The following ANO6 variants were observed in gnomAD, a reference collection of about 807,000 sequenced individuals.
ANO6 encodes the protein anoctamin 6.
A neutral mutation model predicts 117.5 loss-of-function variants in ANO6; 106 were observed. The observed-to-expected ratio is 0.90, with a 90% CI of 0.77 to 1.06. The LOEUF (loss-of-function observed/expected upper bound fraction) is 1.06, where lower values mean the gene tolerates loss of function less well. ANO6 is among the 50% of genes least tolerant of loss of function. ANO6 has a pLI of 0.00. For missense variants in ANO6, 955 were observed against 1,121.1 expected (o/e 0.85, Z 2.12); for synonymous variants, 367 against 385.1 (o/e 0.95, Z 0.55).
At chr12:45,397,058 A>G (rs1225541502) in intron 12 of ANO6, among the ~76,000 whole-genome samples, 1 of 152,226 alleles carries the variant, frequency 6.6e-6, no homozygotes, top group Non-Finnish European at 1.5e-5. Flanking sequence ...TGAATAGGCA[A>G]CCTACAGAAT....
intron 10 of ANO6, among the ~76,000 whole-genome samples, chr12:45,378,464 G>T (rs1455734146): frequency 6.6e-6 from 1 of 152,078 alleles, no homozygotes; most frequent in African/African-American, 2.4e-5. Context: ...TTTGGTCTGT[G>T]GGGCTCGGCT....
intron 1 of ANO6, among the ~76,000 whole-genome samples, chr12:45,233,488 A>G (rs1305767447): frequency 6.6e-6 from 1 of 152,118 alleles, no homozygotes; most frequent in Non-Finnish European, 1.5e-5. Flanking sequence ...TTATTGTTAT[A>G]TCTAATACCT....
intron 17 of ANO6, among the ~76,000 whole-genome samples, chr12:45,420,541 G>T (rs1170614386): frequency 6.6e-6 from 1 of 152,060 alleles, no homozygotes. Flanking sequence ...GGAGTTCGAG[G>T]TTACAGTGAG....
At chr12:45,222,138 C>T (rs1330600519) in intron 1 of ANO6, among the ~76,000 whole-genome samples, 1 of 151,564 alleles carries the variant, frequency 6.6e-6, no homozygotes, top group East Asian at 1.9e-4. Flanking sequence ...GTCTCAGCCT[C>T]CCAAAGTGCT....
intron 12 of ANO6, among the ~76,000 whole-genome samples, chr12:45,393,800 C>G (rs1475318369): frequency 5.9e-5 from 9 of 152,078 alleles, no homozygotes; most frequent in Non-Finnish European, 1.3e-4. Context: ...AATGCTGAGA[C>G]ATTTTGTCAC....
intron 12 of ANO6, among the ~76,000 whole-genome samples, chr12:45,401,485 T>A (rs1290259382): frequency 6.6e-6 from 1 of 152,224 alleles, no homozygotes; most frequent in Admixed American, 6.5e-5. Context: ...AATAGACTTT[T>A]TTTAGAGCAA....
chr12:45,428,011 G>A (rs989460024), intron 19 of ANO6, among the ~76,000 whole-genome samples: 5 of 151,620 alleles, frequency 3.3e-5, no homozygotes, highest in Non-Finnish European at 7.4e-5. Context: ...CTGTGGGAGT[G>A]TAAGTTGGTA....
At chr12:45,420,232 G>A (rs1943322869) in intron 17 of ANO6, among the ~76,000 whole-genome samples, 2 of 152,044 alleles carry the variant, frequency 1.3e-5, no homozygotes, top group South Asian at 2.1e-4. Context: ...TTTAGATCAA[G>A]GAAAACATGC....
At chr12:45,393,524 A>C (rs1024751934) in intron 12 of ANO6, among the ~76,000 whole-genome samples, 5 of 152,136 alleles carry the variant, frequency 3.3e-5, no homozygotes, top group Non-Finnish European at 7.4e-5. Context: ...GAGAAGAGCA[A>C]CCCCAAGACA....
At chr12:45,317,099 G>A (rs1220522486) in intron 2 of ANO6, among the ~76,000 whole-genome samples, 1 of 40,608 alleles carries the variant, frequency 2.5e-5, no homozygotes, top group Non-Finnish European at 7.4e-5. Context: ...AAGACAGCTG[G>A]ATTCTTTTTA....
At chr12:45,226,890 ATT>A (rs1947490101) in intron 1 of ANO6, among the ~76,000 whole-genome samples, 1 of 151,426 alleles carries the variant, frequency 6.6e-6, no homozygotes, top group Non-Finnish European at 1.5e-5. Context: ...AAACAATTGC[ATT>A]GTTTCTTCCT....
chr12:45,401,694 A>G (rs1942791494), intron 12 of ANO6, 101 bp from the exon 13 acceptor site: 1 of 977,928 alleles, frequency 1.0e-6, no homozygotes, highest in Non-Finnish European at 1.6e-6. Context: ...TGAGATTTAC[A>G]TCACTTTACA....
chr12:45,396,476 G>A (rs1014574477), intron 12 of ANO6, among the ~76,000 whole-genome samples: 5 of 152,092 alleles, frequency 3.3e-5, no homozygotes, highest in African/African-American at 1.2e-4. Flanking sequence ...TTTCTTCACA[G>A]AATTGGAAAA....
intron 1 of ANO6, among the ~76,000 whole-genome samples, chr12:45,301,370 T>G (rs1939481140): frequency 6.6e-6 from 1 of 152,128 alleles, no homozygotes; most frequent in Admixed American, 6.6e-5. Context: ...GACAGGAGAA[T>G]CGCTTGAGGC....
chr12:45,325,898 T>G (rs1268897460), intron 2 of ANO6, among the ~76,000 whole-genome samples: 2 of 152,162 alleles, frequency 1.3e-5, no homozygotes, highest in Non-Finnish European at 2.9e-5. Flanking sequence ...CTCAGCATCT[T>G]CCACCCTTGT....
chr12:45,337,964 TATATC>T (rs1940875101), intron 3 of ANO6, among the ~76,000 whole-genome samples: 1 of 151,918 alleles, frequency 6.6e-6, no homozygotes, highest in Non-Finnish European at 1.5e-5. Context: ...CCTATGGAAA[TATATC>T]AAGAATGAAA....
intron 1 of ANO6, among the ~76,000 whole-genome samples, chr12:45,273,606 T>A (rs944860598): frequency 1.3e-5 from 2 of 152,234 alleles, no homozygotes; most frequent in African/African-American, 4.8e-5. Context: ...ATTGATTTTC[T>A]TCTCACATGC....
intron 2 of ANO6, among the ~76,000 whole-genome samples, chr12:45,330,192 T>C (rs890058571): frequency 6.6e-6 from 1 of 152,140 alleles, no homozygotes; most frequent in African/African-American, 2.4e-5. Context: ...TAAACCTTCA[T>C]GTGTTCCACA....
chr12:45,332,403 A>T (rs1592978000), intron 3 of ANO6, among the ~76,000 whole-genome samples: 2 of 151,964 alleles, frequency 1.3e-5, no homozygotes, highest in East Asian at 1.9e-4. Context: ...ATTTTTGCCC[A>T]TTCTTTCAAA....
Sources: gnomAD v4.1 joint callset for allele counts (sites outside exome capture counted in the v4.1 genomes callset) on GRCh38, gnomAD v4.1.1 for gene constraint, MANE v1.5 for transcripts, NCBI Gene and HGNC (gene_info 2026-07-23, HGNC 2026-07-21) for gene names.